The following SMOX variants were observed in gnomAD, a reference collection of about 807,000 sequenced individuals.
SMOX encodes flavin containing amine oxidase.
SMOX carries 22 observed loss-of-function variants against 51.0 expected under a neutral mutation model. The observed-to-expected ratio is 0.43, with a 90% CI of 0.31 to 0.62. The LOEUF is 0.62. SMOX is among the 20% of genes least tolerant of loss of function. The pLI, the probability that SMOX is intolerant of heterozygous loss-of-function variation, is 0.10. For missense variants in SMOX, 566 were observed against 777.7 expected (o/e 0.73, Z 3.24); for synonymous variants, 282 against 307.8 (o/e 0.92, Z 0.88).
rs779365210 is a variant in SMOX, at chr20:4,182,559, G to A, written c.1080G>A (p.Leu360=). 2.5e-5 allele frequency: 40 copies of A among 1,613,826 alleles called. No homozygotes were observed. Among genetic ancestry groups the A allele is most frequent in the Non-Finnish European group, 3.4e-5 (40 of 1,179,972 alleles). Residue 360 remains leucine, a synonymous_variant, in exon 5 of 7, where the codon CTG becomes CTA. Transcript: ENST00000305958. The surrounding 1 kb of genome is among the most constrained non-coding windows in gnomAD (Gnocchi z 8.4). The part of the protein sequence containing the change: ...PTEKVAAIHR[L]GIGTTDKIFL... ...AGAAGGTGGCTGCCATCCACCGCCT[G>A]GGCATTGGCACCACCGACAAGATCT...
At chr20:4,178,575 C>T (rs1158162081) in intron 3 of SMOX, among the ~76,000 whole-genome samples, 1 of 151,996 alleles carries the variant, frequency 6.6e-6, no homozygotes, top group African/African-American at 2.4e-5. Context: ...ATGTGTAGGC[C>T]CTGTCATCTG....
At chr20:4,161,982 ACGG>A (rs937861014) in intron 1 of SMOX, among the ~76,000 whole-genome samples, 35 of 152,110 alleles carry the variant, frequency 2.3e-4, no homozygotes, top group African/African-American at 8.4e-4. Flanking sequence ...ACTCCCACTC[ACGG>A]CGGCAGCCAC....
rs989341622 is a variant in SMOX at position 4,153,647 on chromosome 20, G to A, written c.-27+4670G>A. Among the ~76,000 whole-genome samples, 39 of 152,190 alleles carry A rather than the reference G, an allele frequency of 2.6e-4. No homozygotes were observed. The highest frequency in any genetic ancestry group is 9.4e-4 in the African/African-American group (39 of 41,448). On this transcript the variant is annotated intron_variant, in intron 1 of 6. Coordinates refer to ENST00000305958, the MANE Select transcript of SMOX (RefSeq NM_175839.3). This position sits in a 1 kb window ranked among gnomAD's most constrained non-coding sequence, Gnocchi z 4.4. ...CTGCTCATCTATCTGGACAGATCCT[G>A]CCAGCCTCCTAGGAAGAGAGGGAGG...
chr20:4,155,196 T>TG (rs1985952488), intron 1 of SMOX, among the ~76,000 whole-genome samples: 1 of 152,106 alleles, frequency 6.6e-6, no homozygotes, highest in Non-Finnish European at 1.5e-5. Context: ...GGGAAACAGC[T>TG]GATCCGGCCC....
Position 4,182,924 on chromosome 20 carries a change from C to G in SMOX, c.1369+76C>G. ...CTGCCCTCCTCTGGTGGACCCATGG[C>G]AGCTCTCTCCTCCCCAGACCGTGAA... On this transcript the variant is annotated intron_variant, in intron 5 of 6. Coordinates refer to ENST00000305958, the MANE Select transcript of SMOX (RefSeq NM_175839.3). The surrounding 1 kb of genome is among the most constrained non-coding windows in gnomAD (Gnocchi z 8.4). The G allele has an allele frequency of 6.6e-7, 1 of 1,505,486 alleles. No individual in the cohort carries two copies. Among genetic ancestry groups the G allele is most frequent in the Non-Finnish European group, 8.9e-7 (1 of 1,129,476 alleles). The allele number at this position is 1,505,486 out of a possible 1,614,324, so 93.3% of individuals were successfully genotyped here. A position where few individuals can be genotyped will look rare whatever the true frequency, so the allele number is the denominator to read the frequency against.
intron 1 of SMOX, among the ~76,000 whole-genome samples, chr20:4,151,202 T>C (rs927581684): frequency 5.9e-5 from 9 of 152,040 alleles, no homozygotes; most frequent in Admixed American, 2.0e-4. Flanking sequence ...TTGGTTCTTT[T>C]CACAACGTTG....
Position 4,182,680 on chromosome 20 carries a change from C to T in SMOX, c.1201C>T (p.Pro401Ser), listed in dbSNP as rs1462641508. ...AGAGAGCCACACCCTCACCTACCCA[C>T]CTGAGCTCTGGTACCGCAAGATCTG... ...EAESHTLTYPPELWYRKICGF... is the reference protein window; with the variant it reads ...EAESHTLTYPSELWYRKICGF... The change falls in exon 5 of 7, where the codon CCT (proline) becomes TCT (serine). Residue 401 changes from proline to serine, a missense_variant. Pro to Ser is a moderately conservative substitution (Grantham distance 74). Transcript: ENST00000305958. The surrounding 1 kb of genome is among the most constrained non-coding windows in gnomAD (Gnocchi z 8.4). The T allele has an allele frequency of 6.8e-6, 11 of 1,614,144 alleles. No individual in the cohort carries two copies. Among genetic ancestry groups the T allele is most frequent in the South Asian group, 1.1e-5 (1 of 91,082 alleles).
rs565679646 is a variant in SMOX at position 4,170,030 on chromosome 20, A to G, written c.-26-5000A>G. ...CAGAGATCTTCCCCAGGCCTGCTACATAGTAGGTGCTCAGTGAATTGCTAA... is the reference window on the plus strand; with the variant it reads ...CAGAGATCTTCCCCAGGCCTGCTACGTAGTAGGTGCTCAGTGAATTGCTAA... On this transcript the variant is annotated intron_variant, in intron 1 of 6. Coordinates refer to ENST00000305958, the MANE Select transcript of SMOX (RefSeq NM_175839.3). The surrounding 1 kb of genome is among the most constrained non-coding windows in gnomAD (Gnocchi z 4.6). Among the ~76,000 whole-genome samples, 19 of 152,208 alleles carry G rather than the reference A, an allele frequency of 1.2e-4. No individual in the cohort carries two copies. The highest frequency in any genetic ancestry group is 4.3e-4 in the African/African-American group (18 of 41,532).
In SMOX at chr20:4,182,833, C is replaced by T; in HGVS notation, c.1354C>T (p.Leu452=). 4 of 1,606,766 alleles carry T rather than the reference C, an allele frequency of 2.5e-6. No individual in the cohort carries two copies. The highest frequency in any genetic ancestry group is 1.7e-4 in the Middle Eastern group (1 of 6,036). The change falls in exon 5 of 7, where the codon CTG becomes TTG. Residue 452 remains leucine, a synonymous_variant. Coordinates refer to ENST00000305958, the MANE Select transcript of SMOX (RefSeq NM_175839.3). The surrounding 1 kb of genome is among the most constrained non-coding windows in gnomAD (Gnocchi z 8.4). The part of the protein sequence containing the change: ...EAVAEICTEM[L]RQFTGNPNIP... The stretch of plus-strand genomic sequence containing the variant: ...AGTGGCCGAGATCTGCACGGAGATG[C>T]TGCGTCAGTTCACAGGTGCGCCACG...
intron 1 of SMOX, among the ~76,000 whole-genome samples, chr20:4,159,110 T>G (rs1884732): frequency 0.31 from 47,778 of 151,902 alleles, 9,405 homozygotes; most frequent in Non-Finnish European, 0.43. Context: ...ATAATGAACT[T>G]GACTTCTTCA....
intron 1 of SMOX, among the ~76,000 whole-genome samples, chr20:4,160,127 C>T (rs1320596015): frequency 6.6e-6 from 1 of 152,168 alleles, no homozygotes; most frequent in African/African-American, 2.4e-5. Context: ...TAGTTTAGTG[C>T]CTGGCAAGCC....
Position 4,175,188 on chromosome 20 carries a change from G to A in SMOX, c.133G>A (p.Glu45Lys). Reference protein sequence around the residue: ...AGLAAAKALLEQGFTDVTVLE... With the variant: ...AGLAAAKALLKQGFTDVTVLE... Reference sequence around the variant, plus strand: ...CCTGGCTGCAGCCAAAGCACTTCTTGAGCAGGGTTTCACGGATGTCACTGT... The same window carrying A: ...CCTGGCTGCAGCCAAAGCACTTCTTAAGCAGGGTTTCACGGATGTCACTGT... Residue 45 changes from glutamate to lysine, a missense_variant, in exon 2 of 7, where the codon GAG becomes AAG. Coordinates refer to ENST00000305958, the MANE Select transcript of SMOX (RefSeq NM_175839.3). 6.2e-7 allele frequency: 1 copy of A among 1,614,186 alleles called. No homozygotes were observed. The highest frequency in any genetic ancestry group is 8.5e-7 in the Non-Finnish European group (1 of 1,180,040).
intron 1 of SMOX, among the ~76,000 whole-genome samples, chr20:4,158,127 C>T (rs1330390323): frequency 1.3e-5 from 2 of 150,844 alleles, no homozygotes; most frequent in Non-Finnish European, 1.5e-5. Context: ...GTCTCGATCT[C>T]CTGACCTCGT....
Position 4,175,267 on chromosome 20 carries a change from A to T in SMOX, c.208+4A>T, listed in dbSNP as rs758553642. 1 of 1,613,396 alleles carries T rather than the reference A, an allele frequency of 6.2e-7. No homozygotes were observed. The highest frequency in any genetic ancestry group is 1.3e-5 in the African/African-American group (1 of 74,920). On this transcript the variant is annotated splice_donor_region_variant and intron_variant, in intron 2 of 6. Coordinates refer to ENST00000305958, the MANE Select transcript of SMOX (RefSeq NM_175839.3). ...CGTGTGCAGAGTGTGAAACTTGGTA[A>T]GTGCCACCCAGTCCAGCCCAGCCAC...
Position 4,182,249 on chromosome 20 carries a change from T to C in SMOX, c.770T>C (p.Leu257Pro), listed in dbSNP as rs1979386936. Residue 257 changes from leucine (L) to proline (P), a missense_variant, in exon 5 of 7, where the codon CTA (leucine) becomes CCA (proline). Around this residue, in one of 3 missense-constraint regions of SMOX, gnomAD observed 347 missense variants for 481.8 expected, o/e 0.72. Coordinates refer to ENST00000305958, the MANE Select transcript of SMOX (RefSeq NM_175839.3). The surrounding 1 kb of genome is among the most constrained non-coding windows in gnomAD (Gnocchi z 8.4). ...AEGIPAHVIQ[L>P]GKPVRCIHWD... is the part of the protein sequence containing the mutation. Reference sequence around the variant, plus strand: ...GGCATCCCTGCCCACGTCATCCAGCTAGGGAAACCTGTCCGCTGCATTCAC... The same window carrying C: ...GGCATCCCTGCCCACGTCATCCAGCCAGGGAAACCTGTCCGCTGCATTCAC... The C allele has an allele frequency of 1.9e-6, 3 of 1,613,704 alleles. No homozygotes were observed. Among genetic ancestry groups the C allele is most frequent in the Non-Finnish European group, 1.7e-6 (2 of 1,179,916 alleles).
rs765678932 is a variant in SMOX at position 4,187,261 on chromosome 20, G to C, written c.1531-9G>C. The C allele has an allele frequency of 5.2e-5, 83 of 1,610,054 alleles. No homozygotes were observed. Among genetic ancestry groups the C allele is most frequent in the Non-Finnish European group, 6.8e-5 (80 of 1,177,588 alleles). ...CCTCCACCCTGACCTCCCCATCCCC[G>C]CCCCGCAGCCCATGCAGGTGCTGTT... On this transcript the variant is annotated splice_polypyrimidine_tract_variant and intron_variant, in intron 6 of 6. Transcript: ENST00000305958. The surrounding 1 kb of genome is among the most constrained non-coding windows in gnomAD (Gnocchi z 4.8).
chr20:4,187,656 C>T lies in SMOX; in HGVS notation c.*249C>T, dbSNP rs1979849564. On this transcript the variant is annotated 3_prime_UTR_variant, in exon 7 of 7. Coordinates refer to ENST00000305958, the MANE Select transcript of SMOX (RefSeq NM_175839.3). This position sits in a 1 kb window ranked among gnomAD's most constrained non-coding sequence, Gnocchi z 4.8. The stretch of plus-strand genomic sequence containing the variant: ...CCCCACTTGCCTACCCTCTGTCCTG[C>T]CTTGTTATTGTAAGTGCCTTCAATA... The T allele has an allele frequency of 4.2e-6, 2 of 475,650 alleles. No homozygotes were observed. Among genetic ancestry groups the T allele is most frequent in the Non-Finnish European group, 7.4e-6 (2 of 269,210 alleles). 29.5% of individuals were successfully genotyped at this position (475,650 alleles called of 1,614,324 possible).
In SMOX at chr20:4,183,597, G is replaced by A; in HGVS notation, c.1473G>A (p.Gly491=). 6.2e-7 allele frequency: 1 copy of A among 1,609,956 alleles called. No homozygotes were observed. Among genetic ancestry groups the A allele is most frequent in the Non-Finnish European group, 8.5e-7 (1 of 1,177,790 alleles). ...SYSYTQVGSS[G]ADVEKLAKPL... ...CATACACGCAGGTGGGCTCCAGCGG[G>A]GCGGATGTGGAGAAGCTGGCCAAGC... The change falls in exon 6 of 7, where the codon GGG becomes GGA. Residue 491 remains glycine (G), a synonymous_variant. Transcript: ENST00000305958. This position sits in a 1 kb window ranked among gnomAD's most constrained non-coding sequence, Gnocchi z 4.3.
In SMOX at chr20:4,173,627, C is replaced by T. The variant is rs887290433; in HGVS notation, c.-26-1403C>T. Among the ~76,000 whole-genome samples the T allele has an allele frequency of 4.6e-5, 7 of 152,280 alleles. No individual in the cohort carries two copies. In the South Asian group the frequency reaches 6.2e-4, roughly 14 times the overall value. ...TTGCTATGTCATGGGAACAGTTATG[C>T]GCAGCTTTATTAGGTACGGGTGACA... is the stretch of plus-strand genomic sequence containing the variant. On this transcript the variant is annotated intron_variant, in intron 1 of 6. Coordinates refer to ENST00000305958, the MANE Select transcript of SMOX (RefSeq NM_175839.3).
Sources: gnomAD v4.1 joint callset for allele counts (sites outside exome capture counted in the v4.1 genomes callset) on GRCh38, gnomAD v4.1.1 for gene constraint, gnomAD v4.1.1 regional missense constraint, Gnocchi (gnomAD v3.1) non-coding constraint, MANE v1.5 for transcripts, NCBI Gene and HGNC (gene_info 2026-07-23, HGNC 2026-07-21) for gene names.